The following KLHL32 variants were observed in gnomAD, a reference collection of about 807,000 sequenced individuals.
The protein encoded by KLHL32 is kelch-like protein 32.
KLHL32 carries 35 observed loss-of-function variants against 64.8 expected under a neutral mutation model. The observed-to-expected ratio is 0.54, with a 90% CI of 0.41 to 0.72. The LOEUF is 0.72. KLHL32 is among the 30% of genes least tolerant of loss of function. KLHL32 has a pLI of 0.00. For missense variants in KLHL32, 589 were observed against 768.5 expected, an observed-to-expected ratio of 0.77 and a Z score of 2.76; for synonymous variants, 259 against 281.0, an observed-to-expected ratio of 0.92 and a Z score of 0.78.
intron 1 of KLHL32, among the ~76,000 whole-genome samples, chr6:96,946,802 G>A (rs1771973035): frequency 6.6e-6 from 1 of 152,020 alleles, no homozygotes; most frequent in Non-Finnish European, 1.5e-5. Flanking sequence ...CCTCTGGATT[G>A]GCTGATTGTT....
chr6:97,049,664 G>T (rs905402169), intron 4 of KLHL32, among the ~76,000 whole-genome samples: 1 of 152,188 alleles, frequency 6.6e-6, no homozygotes. Context: ...CTATGCCAGA[G>T]TCCATAACTG....
intron 1 of KLHL32, among the ~76,000 whole-genome samples, chr6:96,944,373 T>C (rs1472991197): frequency 1.3e-5 from 2 of 152,208 alleles, no homozygotes; most frequent in African/African-American, 2.4e-5. Flanking sequence ...GTTTAAACAG[T>C]TGTTTTTAAG....
At chr6:96,982,095 T>G (rs575597854) in intron 3 of KLHL32, among the ~76,000 whole-genome samples, 1 of 152,200 alleles carries the variant, frequency 6.6e-6, no homozygotes, top group Non-Finnish European at 1.5e-5. Flanking sequence ...GTTCAGGTCC[T>G]GAATATCTTG....
the KLHL32 span, among the ~76,000 whole-genome samples, chr6:96,904,566 T>C: frequency 6.6e-6 from 1 of 152,250 alleles, no homozygotes; most frequent in South Asian, 2.1e-4. Context: ...AAAATGTCAA[T>C]TATTCAAAAA....
intron 1 of KLHL32, among the ~76,000 whole-genome samples, chr6:96,944,321 T>G (rs1442093059): frequency 2.6e-5 from 4 of 152,212 alleles, no homozygotes; most frequent in Admixed American, 2.0e-4. Flanking sequence ...TATTCAGATA[T>G]TCTGGCTTAA....
At chr6:96,920,679 A>G (rs1768724287), upstream of KLHL32, among the ~76,000 whole-genome samples, 1 of 152,142 alleles carries the variant, frequency 6.6e-6, no homozygotes, top group Non-Finnish European at 1.5e-5. Context: ...TTAGTGATAT[A>G]GCTTTGATAT....
chr6:97,008,505 C>T (rs1050098210), intron 3 of KLHL32, among the ~76,000 whole-genome samples: 1 of 152,138 alleles, frequency 6.6e-6, no homozygotes, highest in Non-Finnish European at 1.5e-5. Context: ...CCTGGCTGTG[C>T]TCCATTGCAG....
chr6:96,911,937 C>T, the KLHL32 span, among the ~76,000 whole-genome samples: 1 of 149,224 alleles, frequency 6.7e-6, no homozygotes, highest in Admixed American at 6.7e-5. Context: ...CACTCTGCAC[C>T]CTCTCTCTGA....
chr6:97,092,545 A>G (rs1394271785), intron 6 of KLHL32, among the ~76,000 whole-genome samples: 1 of 152,142 alleles, frequency 6.6e-6, no homozygotes, highest in African/African-American at 2.4e-5. Context: ...CTTAGATGTT[A>G]GTGAAGAGAA....
chr6:97,031,388 T>A (rs1481742072), intron 3 of KLHL32, among the ~76,000 whole-genome samples: 2 of 151,972 alleles, frequency 1.3e-5, no homozygotes, highest in African/African-American at 2.4e-5. Flanking sequence ...CAAGCTGGAG[T>A]GCAGTGGTGT....
chr6:96,971,703 G>A (rs181959771), intron 2 of KLHL32, among the ~76,000 whole-genome samples: 1 of 152,100 alleles, frequency 6.6e-6, no homozygotes, highest in East Asian at 1.9e-4. Flanking sequence ...AGCCTGACGG[G>A]GGTTGCCTAA....
intron 5 of KLHL32, among the ~76,000 whole-genome samples, chr6:97,078,528 A>G (rs1289839403): frequency 6.6e-6 from 1 of 152,210 alleles, no homozygotes; most frequent in African/African-American, 2.4e-5. Context: ...CAATTTGGAC[A>G]TCTTAGAGGG....
chr6:96,919,787 C>T (rs1768694202), upstream of KLHL32, among the ~76,000 whole-genome samples: 1 of 152,086 alleles, frequency 6.6e-6, no homozygotes, highest in Non-Finnish European at 1.5e-5. Flanking sequence ...CCACATCATC[C>T]CCCTTTTCAG....
intron 1 of KLHL32, among the ~76,000 whole-genome samples, chr6:96,966,117 A>G (rs1774430938): frequency 6.6e-6 from 1 of 152,306 alleles, no homozygotes; most frequent in South Asian, 2.1e-4. Context: ...TTTCATAAGC[A>G]CTTTCCTCCT....
intron 1 of KLHL32, among the ~76,000 whole-genome samples, chr6:96,953,085 C>A (rs1430570526): frequency 1.3e-5 from 2 of 152,172 alleles, no homozygotes; most frequent in Non-Finnish European, 2.9e-5. Flanking sequence ...TTGGCTAGCT[C>A]TACATTAATT....
chr6:96,981,091 G>A (rs113195166), intron 3 of KLHL32, among the ~76,000 whole-genome samples: 1,680 of 152,172 alleles, frequency 0.011, 41 homozygotes, highest in African/African-American at 0.039. Context: ...CAGCATGGAG[G>A]TAACTGCCCC....
At chr6:97,080,813 A>G (rs1242131488) in intron 5 of KLHL32, among the ~76,000 whole-genome samples, 2 of 152,174 alleles carry the variant, frequency 1.3e-5, no homozygotes, top group African/African-American at 2.4e-5. Flanking sequence ...GAAGATAATT[A>G]TAGGTGGTGA....
chr6:96,967,151 G>A (rs1774545340), intron 2 of KLHL32, 68 bp downstream of exon 2: 1 of 1,432,088 alleles, frequency 7.0e-7, no homozygotes. Flanking sequence ...GCACGTTCTA[G>A]GATCAAGCAC....
At chr6:97,058,017 A>G (rs904965662) in intron 4 of KLHL32, among the ~76,000 whole-genome samples, 1 of 152,060 alleles carries the variant, frequency 6.6e-6, no homozygotes, top group Non-Finnish European at 1.5e-5. Flanking sequence ...CATTATTATT[A>G]TATTATCTAT....
Sources: allele counts gnomAD v4.1 joint callset (sites outside exome capture counted in the v4.1 genomes callset), GRCh38; gene constraint gnomAD v4.1.1; transcripts MANE v1.5; gene names NCBI Gene and HGNC (gene_info 2026-07-23, HGNC 2026-07-21).